ESCO1: variants seen among roughly 807,000 people sequenced by gnomAD.
The protein encoded by ESCO1 is establishment of sister chromatid cohesion N-acetyltransferase 1.
ESCO1 carries 33 observed loss-of-function variants against 83.5 expected under a neutral mutation model. The ratio of observed to expected loss-of-function variants is 0.40; its 90% CI spans 0.30 to 0.53. The LOEUF is 0.53. Among genes scored for constraint, ESCO1 ranks in the 20% least tolerant of loss-of-function variants. ESCO1 has a pLI of 0.63. For synonymous variants in ESCO1, 332 were observed against 324.3 expected (o/e 1.02, Z -0.25); for missense variants, 855 against 968.0 (o/e 0.88, Z 1.55).
chr18:21,594,128 C>A (rs1317160205), intron 1 of ESCO1, among the ~76,000 whole-genome samples: 1 of 152,156 alleles, frequency 6.6e-6, no homozygotes, highest in African/African-American at 2.4e-5. Context: ...TCTCTAGACA[C>A]TACAAAATGT....
chr18:21,590,959 G>A (rs74809471), intron 1 of ESCO1, among the ~76,000 whole-genome samples: 5 of 150,688 alleles, frequency 3.3e-5, no homozygotes, highest in East Asian at 2.0e-4. Context: ...AAAAAAAAAA[G>A]AAAAAAATCC....
In ESCO1 at chr18:21,540,024, A is replaced by G. The variant is rs750267075; in HGVS notation, c.1954-15T>C. On this transcript the variant is annotated splice_polypyrimidine_tract_variant and intron_variant, in intron 8 of 11. Coordinates refer to ENST00000269214, the MANE Select transcript of ESCO1 (RefSeq NM_052911.3). ...TTCTTCCAGCCCTAGATATATATAT[A>G]TATATATACACACATATGTAAAGTA... 1.1e-5 allele frequency: 17 copies of G among 1,552,514 alleles called. No individual in the cohort carries two copies. The highest frequency in any genetic ancestry group is 1.5e-5 in the Non-Finnish European group (17 of 1,134,064).
intron 1 of ESCO1, among the ~76,000 whole-genome samples, chr18:21,589,716 T>C (rs1324439996): frequency 1.3e-5 from 2 of 152,160 alleles, no homozygotes; most frequent in Non-Finnish European, 2.9e-5. Flanking sequence ...CAGCAATACT[T>C]AGCTCGAAGA....
At chr18:21,540,719 C>T (rs1568092955) in intron 8 of ESCO1, 37 of 1,261,672 alleles carry the variant, frequency 2.9e-5, no homozygotes, top group Non-Finnish European at 3.7e-5. Context: ...AAAAACAAAA[C>T]AAAACAAAAG....
At chr18:21,557,148 ATT>A (rs1247297994) in intron 8 of ESCO1, among the ~76,000 whole-genome samples, 2 of 152,216 alleles carry the variant, frequency 1.3e-5, no homozygotes, top group Non-Finnish European at 2.9e-5. Flanking sequence ...TCATCAAAAT[ATT>A]GTTTTAATGT....
intron 8 of ESCO1, chr18:21,540,640 A>G: frequency 7.4e-7 from 1 of 1,344,052 alleles, no homozygotes; most frequent in Non-Finnish European, 9.8e-7. Flanking sequence ...AACATACTCA[A>G]AAAAAGAGAG....
In ESCO1 at chr18:21,550,243, G is replaced by T. The variant is rs536387294; in HGVS notation, c.1954-10234C>A. On this transcript the variant is annotated intron_variant, in intron 8 of 11. Coordinates refer to ENST00000269214, the MANE Select transcript of ESCO1 (RefSeq NM_052911.3). ...TCTCATCAACTTAACGTAATTGGGA[G>T]AACTGGGTCAGTTAATAACCAACAG... 9.8e-5 allele frequency among the ~76,000 whole-genome samples: 15 copies of T among 152,302 alleles called. 1 individual carries two copies. In the South Asian group the frequency reaches 2.3e-3, roughly 23 times the overall value.
chr18:21,541,083 T>C (rs972973541), intron 8 of ESCO1, among the ~76,000 whole-genome samples: 10 of 152,146 alleles, frequency 6.6e-5, no homozygotes, highest in Non-Finnish European at 1.3e-4. Context: ...ACAAAAATTC[T>C]AGGTAATAAG....
At chr18:21,553,552 T>C (rs2038072831) in intron 8 of ESCO1, among the ~76,000 whole-genome samples, 1 of 145,002 alleles carries the variant, frequency 6.9e-6, no homozygotes, top group Non-Finnish European at 1.5e-5. Context: ...ACAAAAGAAG[T>C]AAATGATTAA....
intron 1 of ESCO1, among the ~76,000 whole-genome samples, chr18:21,598,705 A>C (rs969544213): frequency 6.6e-6 from 1 of 152,164 alleles, no homozygotes; most frequent in Non-Finnish European, 1.5e-5. Context: ...CCATCTCAAA[A>C]AAAAAAAACA....
In ESCO1 at chr18:21,574,688, G is replaced by A; in HGVS notation, c.156C>T (p.Ser52=). ...KETIKSQAKS[S]SESKINQPEL... ...CTGGCTGATTTATTTTACTTTCACT[G>A]GAAGATTTAGCCTGTGATTTTATAG... Residue 52 remains serine (S), a synonymous_variant, in exon 4 of 12, where the codon TCC becomes TCT. Coordinates refer to ENST00000269214, the MANE Select transcript of ESCO1 (RefSeq NM_052911.3). The A allele has an allele frequency of 6.2e-7, 1 of 1,613,358 alleles. No homozygotes were observed. The highest frequency in any genetic ancestry group is 8.5e-7 in the Non-Finnish European group (1 of 1,179,964).
At chr18:21,575,498 C>A (rs543746930) in intron 3 of ESCO1, 68 bp from the exon 4 acceptor site, 3 of 398,210 alleles carry the variant, frequency 7.5e-6, no homozygotes, top group South Asian at 2.5e-4. Context: ...TAATACTACA[C>A]AGAAATAACC....
At chr18:21,599,771 C>G (rs2038815431) in intron 1 of ESCO1, among the ~76,000 whole-genome samples, 1 of 152,120 alleles carries the variant, frequency 6.6e-6, no homozygotes, top group Non-Finnish European at 1.5e-5. Context: ...AAGCACACGC[C>G]GGATTTTCGG....
chr18:21,580,151 G>A (rs541130160), intron 2 of ESCO1, among the ~76,000 whole-genome samples: 6 of 151,872 alleles, frequency 4.0e-5, no homozygotes, highest in African/African-American at 1.4e-4. Context: ...CAACCGCCTC[G>A]GCTTCCCAAA....
chr18:21,579,591 G>T (rs983865933), intron 2 of ESCO1, among the ~76,000 whole-genome samples: 1 of 151,234 alleles, frequency 6.6e-6, no homozygotes, highest in Non-Finnish European at 1.5e-5. Flanking sequence ...CCAACATGGT[G>T]AAACCCTGTC....
intron 5 of ESCO1, among the ~76,000 whole-genome samples, chr18:21,567,588 A>C (rs1271568997): frequency 6.6e-6 from 1 of 152,240 alleles, no homozygotes; most frequent in Admixed American, 6.5e-5. Context: ...AGGATCATTC[A>C]GATGGAAAAC....
At position 21,562,485 on chromosome 18, in the gene ESCO1, T is replaced by C. The variant is rs539641673; in HGVS notation, c.1822-1495A>G. Among the ~76,000 whole-genome samples, 11 of 146,064 alleles carry C rather than the reference T, an allele frequency of 7.5e-5. No homozygotes were observed. In the East Asian group the frequency reaches 2.0e-3, roughly 27 times the overall value. On this transcript the variant is annotated intron_variant, in intron 7 of 11. Coordinates refer to ENST00000269214, the MANE Select transcript of ESCO1 (RefSeq NM_052911.3). ...CGTCTTACAAAAAAAAAAAAAAAAT[T>C]AACAATTAGCTGTGTGTGGTGACGC...
Position 21,573,959 on chromosome 18 carries a change from T to G in ESCO1, c.885A>C (p.Ala295=), listed in dbSNP as rs1007705978. ...GAATACTACCTCGTTTGCTCTTTCC[T>G]GCTTGCTCCAGCTCATTATCACTTT... is the stretch of plus-strand genomic sequence containing the variant. The part of the protein sequence containing the change: ...PEQSDNELEQ[A]GKSKRGSILQ... The change falls in exon 4 of 12, where the codon GCA becomes GCC. Residue 295 remains alanine, a synonymous_variant. Coordinates refer to ENST00000269214, the MANE Select transcript of ESCO1 (RefSeq NM_052911.3). 1.2e-5 allele frequency: 19 copies of G among 1,613,906 alleles called. No individual in the cohort carries two copies. Among genetic ancestry groups the G allele is most frequent in the Non-Finnish European group, 1.5e-5 (18 of 1,180,044 alleles).
chr18:21,594,925 CTGTGTGTGTGTGTGTGTG>C (rs35336026), intron 1 of ESCO1, among the ~76,000 whole-genome samples: 2 of 143,790 alleles, frequency 1.4e-5, no homozygotes, highest in Admixed American at 7.0e-5. Context: ...TCTACAACTA[CTGTGTGTGTGTGTGTGTG>C]TGTGTGTGTG....
Sources: gnomAD v4.1 joint callset for allele counts (sites outside exome capture counted in the v4.1 genomes callset) on GRCh38, gnomAD v4.1.1 for gene constraint, MANE v1.5 for transcripts, NCBI Gene and HGNC (gene_info 2026-07-23, HGNC 2026-07-21) for gene names.